Variants in POLR2F observed in about 807,000 individuals in gnomAD.
POLR2F encodes the protein DNA-directed RNA polymerases I, II, and III subunit RPABC2.
POLR2F carries 12 observed loss-of-function variants against 22.7 expected under a neutral mutation model. The observed-to-expected ratio is 0.53, with a 90% CI of 0.34 to 0.86. The LOEUF is 0.86. Among genes scored for constraint, POLR2F ranks in the 40% least tolerant of loss-of-function variants. The probability of loss-of-function intolerance (pLI) is 0.02; values close to 1 mark genes in which losing one functional copy is unlikely to be tolerated. For synonymous variants in POLR2F, 57 were observed against 66.0 expected, an observed-to-expected ratio of 0.86 and a Z score of 0.66; for missense variants, 126 against 171.5, an observed-to-expected ratio of 0.73 and a Z score of 1.48.
upstream of POLR2F, among the ~76,000 whole-genome samples, chr22:37,982,557 G>C (rs1932432888): frequency 6.6e-6 from 1 of 152,178 alleles, no homozygotes; most frequent in South Asian, 2.1e-4. Flanking sequence ...TGGGCAGGAA[G>C]GAGGCCAAGG....
At chr22:37,965,691 T>G (rs1007066455) in intron 3 of POLR2F, among the ~76,000 whole-genome samples, 1 of 152,218 alleles carries the variant, frequency 6.6e-6, no homozygotes, top group Non-Finnish European at 1.5e-5. Context: ...GGGAGTAATA[T>G]AAATCGAAAT....
At chr22:37,982,158 C>T (rs1299226716), upstream of POLR2F, among the ~76,000 whole-genome samples, 1 of 152,170 alleles carries the variant, frequency 6.6e-6, no homozygotes, top group Non-Finnish European at 1.5e-5. Flanking sequence ...CCTGACCACT[C>T]CTCAAAGTGT....
Position 37,986,974 on chromosome 22 carries a change from C to T in POLR2F, c.120+662C>T, listed in dbSNP as rs1173092145. 2.2e-6 allele frequency: 1 copy of T among 453,090 alleles called. No individual in the cohort carries two copies. The highest frequency in any genetic ancestry group is 7.0e-5 in the East Asian group (1 of 14,300). 28.1% of individuals were successfully genotyped at this position (453,090 alleles called of 1,614,324 possible). A position where few individuals can be genotyped will look rare whatever the true frequency, so the allele number is the denominator to read the frequency against. On this transcript the variant is annotated intron_variant, in intron 1 of 2. Transcript: ENST00000333418. This position sits in a 1 kb window ranked among gnomAD's most constrained non-coding sequence, Gnocchi z 4.7. The stretch of plus-strand genomic sequence containing the variant: ...ACAGGAGGGCCAGTGTCACCTTCTC[C>T]TCCTTTCCCTGCTGGGGGTGGCAGG...
At position 37,956,683 on chromosome 22, in the gene POLR2F, C is replaced by A. The variant is rs1253829349; in HGVS notation, c.21-90C>A. On this transcript the variant is annotated intron_variant, in intron 1 of 4. Transcript: ENST00000442738. ...CCGCCCACTTCAATCTCCGAAAGTA[C>A]CAGGATTACAAGTGTGATCCACCGT... 5.8e-6 allele frequency: 6 copies of A among 1,032,212 alleles called. No individual in the cohort carries two copies. In the East Asian group the frequency reaches 1.4e-4, roughly 25 times the overall value. 63.9% of individuals were successfully genotyped at this position (1,032,212 alleles called of 1,614,324 possible). A position where few individuals can be genotyped will look rare whatever the true frequency, so the allele number is the denominator to read the frequency against.
At chr22:37,953,898 G>C in intron 1 of POLR2F, 91 bp downstream of exon 1, 4 of 1,451,070 alleles carry the variant, frequency 2.8e-6, no homozygotes, top group Non-Finnish European at 3.8e-6. Context: ...GGCGTCTAGG[G>C]GCAATGTCTG....
chr22:37,999,558 T>C (rs542002140), intron 1 of POLR2F, among the ~76,000 whole-genome samples: 7 of 152,006 alleles, frequency 4.6e-5, no homozygotes, highest in South Asian at 2.1e-4. Flanking sequence ...TCCTCCCAGG[T>C]CATCTGCACC....
At chr22:37,960,063 C>T (rs1038329845) in intron 3 of POLR2F, among the ~76,000 whole-genome samples, 2 of 152,088 alleles carry the variant, frequency 1.3e-5, no homozygotes, top group Non-Finnish European at 2.9e-5. Flanking sequence ...CTCTGCCTCC[C>T]AAAGTGTTGG....
At chr22:38,033,469 T>C (rs926464419) in intron 5 of POLR2F, among the ~76,000 whole-genome samples, 1 of 152,210 alleles carries the variant, frequency 6.6e-6, no homozygotes, top group Non-Finnish European at 1.5e-5. Context: ...GGGGTAGGGC[T>C]GGTTCTGTAG....
downstream of POLR2F, chr22:38,026,757 G>C (rs2085014088): frequency 5.5e-6 from 1 of 183,482 alleles, no homozygotes; most frequent in African/African-American, 2.4e-5. Flanking sequence ...CTGGGGAGGG[G>C]ACGCAGCTGT....
At chr22:38,009,338 G>A (rs1200907213) in intron 1 of POLR2F, among the ~76,000 whole-genome samples, 3 of 152,208 alleles carry the variant, frequency 2.0e-5, no homozygotes, top group Non-Finnish European at 4.4e-5. Context: ...GGGGGTCAAA[G>A]CAGAAGCTGG....
At chr22:38,041,220 G>T, downstream of POLR2F, 2 of 1,499,566 alleles carry the variant, frequency 1.3e-6, no homozygotes, top group Non-Finnish European at 1.8e-6. Flanking sequence ...GTGAGGACAC[G>T]GTCTAGACTG....
chr22:38,015,929 C>T (rs142097780), intron 1 of POLR2F, among the ~76,000 whole-genome samples: 4 of 152,160 alleles, frequency 2.6e-5, no homozygotes, highest in South Asian at 2.1e-4. Context: ...ATCTGAGTCT[C>T]GGCCTCTGCT....
chr22:38,035,729 G>C (rs1411695034), intron 5 of POLR2F, among the ~76,000 whole-genome samples: 1 of 152,186 alleles, frequency 6.6e-6, no homozygotes, highest in Non-Finnish European at 1.5e-5. Flanking sequence ...CGGGCCACTG[G>C]GAACAGCAGA....
At chr22:37,971,174 G>A (rs1932039658), downstream of POLR2F, 1 of 464,838 alleles carries the variant, frequency 2.2e-6, no homozygotes, top group Admixed American at 2.4e-5. Flanking sequence ...CAGAAGCAGG[G>A]GCTGCAAACC....
upstream of POLR2F, among the ~76,000 whole-genome samples, chr22:37,985,547 G>A (rs1275969839): frequency 1.3e-5 from 2 of 152,168 alleles, no homozygotes; most frequent in East Asian, 1.9e-4. Context: ...CAGCCCCGCC[G>A]GGGTGTTGAG....
intron 1 of POLR2F, among the ~76,000 whole-genome samples, chr22:37,988,635 A>G (rs1932654052): frequency 6.6e-6 from 1 of 152,174 alleles, no homozygotes; most frequent in Admixed American, 6.6e-5. Context: ...TGGGTGACAG[A>G]GTAAGACTCT....
At chr22:37,973,995 G>C, downstream of POLR2F, 1 of 1,613,296 alleles carries the variant, frequency 6.2e-7, no homozygotes, top group Non-Finnish European at 8.5e-7. Flanking sequence ...TTGGGCGGCA[G>C]GTACTGGTCC....
chr22:37,972,503 G>T, downstream of POLR2F: 1 of 313,702 alleles, frequency 3.2e-6, no homozygotes, highest in Non-Finnish European at 6.3e-6. Context: ...CCACTGGGAG[G>T]CAAGGGGTAA....
chr22:38,002,830 A>G (rs999503179), intron 1 of POLR2F, among the ~76,000 whole-genome samples: 4 of 150,172 alleles, frequency 2.7e-5, no homozygotes, highest in African/African-American at 9.8e-5. Flanking sequence ...GGTTCACGCC[A>G]TTCTCCTGCC....
Sources: allele counts gnomAD v4.1 joint callset (sites outside exome capture counted in the v4.1 genomes callset), GRCh38; gene constraint gnomAD v4.1.1; non-coding constraint Gnocchi (gnomAD v3.1); transcripts MANE v1.5; gene names NCBI Gene and HGNC (gene_info 2026-07-23, HGNC 2026-07-21).